The following TCF12 variants were observed in gnomAD, a reference collection of about 807,000 sequenced individuals.
TCF12 encodes DNA-binding protein HTF4.
Under a neutral mutation model 86.0 loss-of-function variants are expected in TCF12, and 45 were observed. The observed-to-expected ratio is 0.52, with a 90% CI of 0.41 to 0.67. The LOEUF is 0.67. TCF12 is among the 30% of genes least tolerant of loss of function. The pLI, the probability that TCF12 is intolerant of heterozygous loss-of-function variation, is 0.00. For missense variants in TCF12, 881 were observed against 859.9 expected (o/e 1.02, Z -0.31); for synonymous variants, 330 against 299.6 (o/e 1.10, Z -1.05).
chr15:57,180,874 G>T (rs1008426546), intron 6 of TCF12, among the ~76,000 whole-genome samples: 2 of 136,824 alleles, frequency 1.5e-5, no homozygotes, highest in African/African-American at 2.9e-5. Context: ...GAGTGCAGTG[G>T]TGTGATCTCG....
At chr15:57,257,105 A>C (rs2060381358) in intron 16 of TCF12, among the ~76,000 whole-genome samples, 1 of 152,248 alleles carries the variant, frequency 6.6e-6, no homozygotes, top group South Asian at 2.1e-4. Flanking sequence ...TATTCCAATA[A>C]AACTTTATTT....
chr15:57,142,903 A>G (rs2053083668), intron 5 of TCF12, among the ~76,000 whole-genome samples: 1 of 152,234 alleles, frequency 6.6e-6, no homozygotes, highest in African/African-American at 2.4e-5. Context: ...TATGAAGGAT[A>G]TGAAAGTCAA....
chr15:57,154,554 TTA>T (rs1426638775), intron 5 of TCF12, among the ~76,000 whole-genome samples: 1 of 152,240 alleles, frequency 6.6e-6, no homozygotes, highest in Non-Finnish European at 1.5e-5. Context: ...GACTGTTCTT[TTA>T]TGTTTCGACT....
intron 20 of TCF12, among the ~76,000 whole-genome samples, chr15:57,285,077 GA>G (rs1302774575): frequency 1.3e-5 from 2 of 152,224 alleles, no homozygotes; most frequent in Non-Finnish European, 2.9e-5. Flanking sequence ...ATTTCATAAA[GA>G]TAGTTATCTG....
rs201087710 is a variant in TCF12, at chr15:57,166,482, A to C, written c.390+16A>C. ...AGGCTGTCAAGTAAGTTTAATGATTAAAAAAAGCAATGAGATGGTTTTTAA... is the reference window on the plus strand; with the variant it reads ...AGGCTGTCAAGTAAGTTTAATGATTCAAAAAAGCAATGAGATGGTTTTTAA... On this transcript the variant is annotated intron_variant, in intron 6 of 20. Transcript: ENST00000333725. 6.2e-7 allele frequency: 1 copy of C among 1,604,180 alleles called. No homozygotes were observed. Among genetic ancestry groups the C allele is most frequent in the Non-Finnish European group, 8.5e-7 (1 of 1,174,472 alleles).
chr15:57,064,852 A>C (rs546316410), intron 4 of TCF12, among the ~76,000 whole-genome samples: 4 of 151,262 alleles, frequency 2.6e-5, no homozygotes, highest in Non-Finnish European at 4.4e-5. Context: ...GCCATACTTT[A>C]AGTGAATAAA....
At chr15:57,035,608 G>A (rs1012851976) in intron 3 of TCF12, among the ~76,000 whole-genome samples, 2 of 152,134 alleles carry the variant, frequency 1.3e-5, no homozygotes, top group African/African-American at 4.8e-5. Flanking sequence ...CATGAAAAGT[G>A]TTTGTAGTCT....
chr15:56,939,292 T>G (rs1235480159), intron 3 of TCF12, among the ~76,000 whole-genome samples: 1 of 152,206 alleles, frequency 6.6e-6, no homozygotes, highest in South Asian at 2.1e-4. Flanking sequence ...CAGTACTAAT[T>G]CTTTTTTTTA....
At chr15:56,978,481 C>T (rs144452570) in intron 3 of TCF12, among the ~76,000 whole-genome samples, 1 of 151,966 alleles carries the variant, frequency 6.6e-6, no homozygotes. Flanking sequence ...TAGAGAGTTA[C>T]CCAGACAAAA....
chr15:57,134,561 ATTCT>A (rs1181396334), intron 5 of TCF12: 2 of 152,206 alleles, frequency 1.3e-5, no homozygotes, highest in Admixed American at 1.3e-4. Flanking sequence ...GCATATAAAG[ATTCT>A]TTATTTAAAT....
At chr15:57,089,890 T>A (rs1183809647) in intron 4 of TCF12, among the ~76,000 whole-genome samples, 3 of 152,178 alleles carry the variant, frequency 2.0e-5, no homozygotes, top group Non-Finnish European at 4.4e-5. Context: ...GATAGTGATT[T>A]GTCCCTTAGT....
chr15:57,248,011 C>T lies in TCF12; in HGVS notation c.1115-3339C>T, dbSNP rs955394763. 2.1e-5 allele frequency: 15 copies of T among 713,360 alleles called. 1 individual carries two copies. Among genetic ancestry groups the T allele is most frequent in the South Asian group, 7.2e-5 (5 of 69,028 alleles). 44.2% of individuals were successfully genotyped at this position (713,360 alleles called of 1,614,324 possible). A position where few individuals can be genotyped will look rare whatever the true frequency, so the allele number is the denominator to read the frequency against. ...CACCCCACCCCCACAGTGGTGGCAACGGCTGCAGTTGGGCAGCGGTTTTAC... is the reference window on the plus strand; with the variant it reads ...CACCCCACCCCCACAGTGGTGGCAATGGCTGCAGTTGGGCAGCGGTTTTAC... On this transcript the variant is annotated intron_variant, in intron 13 of 20. Transcript: ENST00000333725.
chr15:57,176,020 TA>T (rs2151612574), intron 6 of TCF12, among the ~76,000 whole-genome samples: 1 of 152,312 alleles, frequency 6.6e-6, no homozygotes, highest in East Asian at 1.9e-4. Flanking sequence ...TAGATTACAG[TA>T]CCTATTGTTT....
At chr15:57,270,618 G>A (rs1425563578) in intron 18 of TCF12, among the ~76,000 whole-genome samples, 1 of 152,166 alleles carries the variant, frequency 6.6e-6, no homozygotes, top group Non-Finnish European at 1.5e-5. Context: ...ATGAGGAGTT[G>A]TGTTCCTTTG....
At chr15:56,938,879 G>T (rs1258665833) in intron 3 of TCF12, among the ~76,000 whole-genome samples, 3 of 152,110 alleles carry the variant, frequency 2.0e-5, no homozygotes, top group Non-Finnish European at 2.9e-5. Flanking sequence ...CTCTTCTTCT[G>T]TGATTTGTCT....
At chr15:57,003,361 T>C (rs1450984406) in intron 3 of TCF12, among the ~76,000 whole-genome samples, 1 of 152,208 alleles carries the variant, frequency 6.6e-6, no homozygotes. Flanking sequence ...TAAAGACATA[T>C]ATATTGTTGA....
intron 2 of TCF12, 58 bp downstream of exon 2, chr15:56,920,046 G>A: frequency 6.2e-7 from 1 of 1,600,526 alleles, no homozygotes; most frequent in Non-Finnish European, 8.6e-7. Context: ...TTGTTTGTTT[G>A]TTTGTTTCTT....
At chr15:57,034,412 T>A (rs1841936460) in intron 3 of TCF12, among the ~76,000 whole-genome samples, 1 of 152,162 alleles carries the variant, frequency 6.6e-6, no homozygotes, top group African/African-American at 2.4e-5. Context: ...TCAATAAAAT[T>A]TGCCACCTGT....
intron 18 of TCF12, among the ~76,000 whole-genome samples, chr15:57,272,283 C>G (rs1337800517): frequency 1.3e-5 from 2 of 152,138 alleles, no homozygotes; most frequent in Admixed American, 6.6e-5. Context: ...GGATGAATTT[C>G]CAAAGTTGGA....
Sources: gnomAD v4.1 joint callset for allele counts (sites outside exome capture counted in the v4.1 genomes callset) on GRCh38, gnomAD v4.1.1 for gene constraint, MANE v1.5 for transcripts, NCBI Gene and HGNC (gene_info 2026-07-23, HGNC 2026-07-21) for gene names.